The following SCAPER variants were observed in gnomAD, a reference collection of about 807,000 sequenced individuals.
SCAPER encodes S-phase cyclin A associated protein in the ER.
Under a neutral mutation model 182.2 loss-of-function variants are expected in SCAPER, and 98 were observed. The ratio of observed to expected loss-of-function variants is 0.54; its 90% CI spans 0.46 to 0.64. The LOEUF is 0.64. SCAPER is among the 30% of genes least tolerant of loss of function. The pLI is 0.00. For synonymous variants in SCAPER, 605 were observed against 564.6 expected, an observed-to-expected ratio of 1.07 and a Z score of -1.01; for missense variants, 1,432 against 1,690.0, an observed-to-expected ratio of 0.85 and a Z score of 2.68.
chr15:76,754,966 C>G (rs2062327657), intron 14 of SCAPER, among the ~76,000 whole-genome samples: 2 of 152,040 alleles, frequency 1.3e-5, no homozygotes, highest in Admixed American at 1.3e-4. Flanking sequence ...AAACAATAAT[C>G]CATCATACAA....
In SCAPER at chr15:76,418,392, G is replaced by A. The variant is rs149075009; in HGVS notation, c.3312-13713C>T. On this transcript the variant is annotated intron_variant, in intron 26 of 31. Transcript: ENST00000563290. Reference sequence around the variant, plus strand: ...AATGCCAGCAAATCTTGCTACAGGAGAATCTCCCAGTACTCATAGGACCCA... The same window carrying A: ...AATGCCAGCAAATCTTGCTACAGGAAAATCTCCCAGTACTCATAGGACCCA... Among the ~76,000 whole-genome samples the A allele has an allele frequency of 3.1e-3, 476 of 152,304 alleles. 1 individual carries two copies. Among genetic ancestry groups the A allele is most frequent in the Non-Finnish European group, 5.1e-3 (348 of 68,026 alleles).
At chr15:76,579,317 A>C (rs931248651) in intron 22 of SCAPER, among the ~76,000 whole-genome samples, 3 of 150,642 alleles carry the variant, frequency 2.0e-5, no homozygotes, top group Non-Finnish European at 4.4e-5. Flanking sequence ...ATGTTTTAAG[A>C]CATAGTACAA....
intron 3 of SCAPER, among the ~76,000 whole-genome samples, 151 bp from the exon 4 acceptor site, chr15:76,858,030 TAC>T (rs1240980541): frequency 1.3e-5 from 2 of 152,176 alleles, no homozygotes; most frequent in Non-Finnish European, 2.9e-5. Context: ...CACAGTATAG[TAC>T]AGTCTGTTCA....
At chr15:76,393,068 C>T (rs572518517) in intron 27 of SCAPER, among the ~76,000 whole-genome samples, 7 of 152,200 alleles carry the variant, frequency 4.6e-5, no homozygotes, top group Non-Finnish European at 1.0e-4. Context: ...TCTTTCCATT[C>T]CTTCAAGTAA....
intron 23 of SCAPER, among the ~76,000 whole-genome samples, chr15:76,544,689 A>G (rs2045097416): frequency 6.6e-6 from 1 of 152,168 alleles, no homozygotes; most frequent in Admixed American, 6.6e-5. Flanking sequence ...GTGACTGGCA[A>G]TGGGTACAGG....
intron 4 of SCAPER, among the ~76,000 whole-genome samples, chr15:76,848,996 G>A (rs2070434362): frequency 6.6e-6 from 1 of 152,144 alleles, no homozygotes; most frequent in African/African-American, 2.4e-5. Context: ...CTTGGCCACT[G>A]CCACAGTAAC....
At chr15:76,789,825 T>C (rs2064872499) in intron 8 of SCAPER, among the ~76,000 whole-genome samples, 1 of 152,220 alleles carries the variant, frequency 6.6e-6, no homozygotes, top group South Asian at 2.1e-4. Flanking sequence ...TTGTACTAAA[T>C]TCAAGTCAAT....
chr15:76,887,349 G>A (rs1404651619), intron 1 of SCAPER, among the ~76,000 whole-genome samples: 1 of 152,192 alleles, frequency 6.6e-6, no homozygotes, highest in Non-Finnish European at 1.5e-5. Context: ...GCAGGCCGGG[G>A]CATCGCCTCA....
chr15:76,616,762 T>C (rs1446100570), intron 22 of SCAPER, among the ~76,000 whole-genome samples: 1 of 152,152 alleles, frequency 6.6e-6, no homozygotes, highest in Non-Finnish European at 1.5e-5. Flanking sequence ...TTTAGGAAGA[T>C]GTATATGGAA....
Position 76,774,898 on chromosome 15 carries a change from T to C in SCAPER, c.992A>G (p.Asp331Gly). The change falls in exon 9 of 32, where the codon GAC (aspartate) becomes GGC (glycine). Residue 331 changes from aspartate to glycine, a missense_variant. Asp to Gly is a moderately conservative substitution (Grantham distance 94, BLOSUM62 -1). Coordinates refer to ENST00000563290, the MANE Select transcript of SCAPER (RefSeq NM_020843.4). ...AGGATGGTCACAAGAGTGTAATGAG[T>C]CTTTGGGATGAGATTCTATAGTATT... Reference protein sequence around the residue: ...TSNTIESHPKDSLHSCDHPLA... With the variant: ...TSNTIESHPKGSLHSCDHPLA... 2 of 1,613,580 alleles carry C rather than the reference T, an allele frequency of 1.2e-6. No individual in the cohort carries two copies. Among genetic ancestry groups the C allele is most frequent in the Non-Finnish European group, 1.7e-6 (2 of 1,179,678 alleles).
chr15:76,583,889 G>A (rs1006582469), intron 22 of SCAPER, among the ~76,000 whole-genome samples: 3 of 152,232 alleles, frequency 2.0e-5, no homozygotes, highest in African/African-American at 7.2e-5. Flanking sequence ...TAGAAACAGA[G>A]CTACCATATG....
At position 76,434,187 on chromosome 15, in the gene SCAPER, G is replaced by A. The variant is rs755222238; in HGVS notation, c.3202C>T (p.Arg1068Ter). ...GCTGGCTGGCAGTTTCCATCTGGTCGATTGGCAATCAGGCAGCCCAAAACC... is the reference window on the plus strand; with the variant it reads ...GCTGGCTGGCAGTTTCCATCTGGTCAATTGGCAATCAGGCAGCCCAAAACC... ...AVVLGCLIAN[R>*]PDGNCQPATP... Residue 1068 changes from arginine (R) to a stop codon, truncating the protein, a stop_gained, in exon 26 of 32, where the codon CGA (arginine) becomes TGA (stop). Coordinates refer to ENST00000563290, the MANE Select transcript of SCAPER (RefSeq NM_020843.4). LOFTEE classifies it high-confidence loss of function. 3 of 1,613,912 alleles carry A rather than the reference G, an allele frequency of 1.9e-6. No individual in the cohort carries two copies. The highest frequency in any genetic ancestry group is 1.3e-5 in the African/African-American group (1 of 74,998).
intron 20 of SCAPER, among the ~76,000 whole-genome samples, chr15:76,669,215 G>GCAACAACAA (rs34500814): frequency 4.6e-5 from 7 of 151,224 alleles, no homozygotes; most frequent in South Asian, 2.1e-4. Flanking sequence ...AAAACAAGCA[G>GCAACAACAA]CAGCAACAAC....
intron 20 of SCAPER, among the ~76,000 whole-genome samples, chr15:76,683,619 G>C (rs1297556386): frequency 6.6e-6 from 1 of 151,838 alleles, no homozygotes; most frequent in Non-Finnish European, 1.5e-5. Flanking sequence ...GGTTTCCCAA[G>C]GTCGAAATGA....
intron 24 of SCAPER, among the ~76,000 whole-genome samples, chr15:76,483,666 T>G (rs1027861734): frequency 6.6e-6 from 1 of 151,942 alleles, no homozygotes; most frequent in Non-Finnish European, 1.5e-5. Flanking sequence ...AGACAAAAAA[T>G]CTAGTTAAAA....
At chr15:76,819,822 A>G (rs2067381123) in intron 5 of SCAPER, among the ~76,000 whole-genome samples, 1 of 152,206 alleles carries the variant, frequency 6.6e-6, no homozygotes, top group South Asian at 2.1e-4. Context: ...AAAATGGGAG[A>G]AAATTTTTGC....
rs1348069965 is a variant in SCAPER at position 76,376,232 on chromosome 15, G to A, written c.3785C>T (p.Ser1262Phe). The A allele has an allele frequency of 3.1e-6, 5 of 1,613,914 alleles. No individual in the cohort carries two copies. Among genetic ancestry groups the A allele is most frequent in the Non-Finnish European group, 3.4e-6 (4 of 1,179,898 alleles). The stretch of plus-strand genomic sequence containing the variant: ...GACCTCATGAAGGAGGCTTTCACAG[G>A]AGACTTGGCTGCAGTGGCCCAGCAG... The part of the protein sequence containing the change: ...SSLLGHCSQV[S>F]CESLLHEVIV... Residue 1262 changes from serine to phenylalanine, a missense_variant, in exon 29 of 32, where the codon TCC becomes TTC. Ser to Phe is a radical substitution (Grantham distance 155, BLOSUM62 -2). Coordinates refer to ENST00000563290, the MANE Select transcript of SCAPER (RefSeq NM_020843.4).
At position 76,784,316 on chromosome 15, in the gene SCAPER, A is replaced by T. The variant is rs544173073; in HGVS notation, c.773-9199T>A. On this transcript the variant is annotated intron_variant, in intron 8 of 31. Coordinates refer to ENST00000563290, the MANE Select transcript of SCAPER (RefSeq NM_020843.4). ...TCAAAGAGAATAAAATACCTAGGAA[A>T]CCAACTTACAAGGGACGTGAAGGAT... is the stretch of plus-strand genomic sequence containing the variant. 6.5e-3 allele frequency among the ~76,000 whole-genome samples: 993 copies of T among 152,216 alleles called. 5 individuals carry two copies. The highest frequency in any genetic ancestry group is 0.01 in the Non-Finnish European group (711 of 67,992).
intron 23 of SCAPER, among the ~76,000 whole-genome samples, chr15:76,518,230 A>AG (rs547445846): frequency 6.6e-6 from 1 of 152,226 alleles, no homozygotes; most frequent in South Asian, 2.1e-4. Context: ...TTCCTCAGCC[A>AG]GGGCATCTTT....
Sources: gnomAD v4.1 joint callset for allele counts (sites outside exome capture counted in the v4.1 genomes callset) on GRCh38, gnomAD v4.1.1 for gene constraint, MANE v1.5 for transcripts, NCBI Gene and HGNC (gene_info 2026-07-23, HGNC 2026-07-21) for gene names.